Variants in LRRC4C observed in about 807,000 individuals in gnomAD.
LRRC4C encodes leucine-rich repeat-containing protein 4C.
A neutral mutation model predicts 33.6 loss-of-function variants in LRRC4C; 5 were observed. That is an observed-to-expected ratio of 0.15 (90% CI 0.08 to 0.31). The LOEUF is 0.31. Ranked by LOEUF, LRRC4C falls within the 10% of genes least tolerant of loss-of-function variation. The pLI is 1.00. For missense variants in LRRC4C, 560 were observed against 796.7 expected, an observed-to-expected ratio of 0.70 and a Z score of 3.58; for synonymous variants, 329 against 302.0, an observed-to-expected ratio of 1.09 and a Z score of -0.93.
At chr11:41,373,561 C>T in intron 1 of LRRC4C, among the ~76,000 whole-genome samples, 1 of 152,078 alleles carries the variant, frequency 6.6e-6, no homozygotes, top group Non-Finnish European at 1.5e-5. Flanking sequence ...GACAGGATTG[C>T]TTCTGCATGG....
chr11:40,978,908 A>G (rs1040724987), intron 1 of LRRC4C, among the ~76,000 whole-genome samples: 1 of 152,086 alleles, frequency 6.6e-6, no homozygotes, highest in Non-Finnish European at 1.5e-5. Context: ...CTAGGATTGC[A>G]GGGGTGAGCC....
intron 1 of LRRC4C, among the ~76,000 whole-genome samples, chr11:41,383,016 T>C (rs902015162): frequency 6.6e-6 from 1 of 152,094 alleles, no homozygotes; most frequent in African/African-American, 2.4e-5. Flanking sequence ...AGGTTCACCT[T>C]AGGGCAGGGT....
intron 5 of LRRC4C, among the ~76,000 whole-genome samples, chr11:40,165,580 T>TA (rs1322161068): frequency 6.6e-6 from 1 of 152,228 alleles, no homozygotes; most frequent in African/African-American, 2.4e-5. Flanking sequence ...AATTCTGTGA[T>TA]ATGTTAGTTC....
intron 1 of LRRC4C, among the ~76,000 whole-genome samples, chr11:40,957,024 A>C (rs566219915): frequency 6.6e-5 from 10 of 151,808 alleles, no homozygotes; most frequent in Non-Finnish European, 1.3e-4. Flanking sequence ...TTCTGAGCAC[A>C]TCCAGAATGA....
intron 1 of LRRC4C, among the ~76,000 whole-genome samples, chr11:41,268,442 G>A (rs556640709): frequency 6.6e-6 from 1 of 152,192 alleles, no homozygotes; most frequent in African/African-American, 2.4e-5. Context: ...TTGTTATGAA[G>A]TTATAGGTAC....
intron 1 of LRRC4C, among the ~76,000 whole-genome samples, chr11:41,022,749 T>A (rs4539315): frequency 0.7 from 105,805 of 151,762 alleles, 37,202 homozygotes; most frequent in South Asian, 0.77. Flanking sequence ...AACTGAAGAG[T>A]TTTTTTACTT....
chr11:40,290,692 T>C (rs1312414303), intron 4 of LRRC4C, among the ~76,000 whole-genome samples: 1 of 152,126 alleles, frequency 6.6e-6, no homozygotes, highest in Non-Finnish European at 1.5e-5. Flanking sequence ...CTTTGGGATA[T>C]GTCAGAGTTG....
chr11:40,473,434 T>A (rs1477420683), intron 3 of LRRC4C, among the ~76,000 whole-genome samples: 1 of 152,162 alleles, frequency 6.6e-6, no homozygotes, highest in Non-Finnish European at 1.5e-5. Context: ...ATAAACTTGG[T>A]ATTGAGGGGA....
intron 6 of LRRC4C, among the ~76,000 whole-genome samples, chr11:40,118,782 G>A (rs1399590746): frequency 2.6e-5 from 4 of 152,114 alleles, no homozygotes; most frequent in Non-Finnish European, 2.9e-5. Flanking sequence ...GGTTGGTTAC[G>A]TCAAACTTAA....
At chr11:40,563,469 A>T (rs923510194) in intron 3 of LRRC4C, among the ~76,000 whole-genome samples, 3 of 152,194 alleles carry the variant, frequency 2.0e-5, no homozygotes, top group Non-Finnish European at 4.4e-5. Context: ...ATTAAATCGT[A>T]TTGACACTAG....
intron 5 of LRRC4C, among the ~76,000 whole-genome samples, chr11:40,240,467 T>C (rs2136088428): frequency 6.6e-6 from 1 of 152,246 alleles, no homozygotes; most frequent in East Asian, 1.9e-4. Flanking sequence ...GCCCAGAACT[T>C]AAAAGCCCAG....
At chr11:40,118,013 T>G (rs7946670) in intron 6 of LRRC4C, among the ~76,000 whole-genome samples, 4,630 of 149,124 alleles carry the variant, frequency 0.031, 97 homozygotes, top group Non-Finnish European at 0.034. Context: ...TTTTTAATAT[T>G]AAATATTAAT....
intron 1 of LRRC4C, among the ~76,000 whole-genome samples, chr11:41,014,220 C>T (rs1803502484): frequency 6.6e-6 from 1 of 152,132 alleles, no homozygotes; most frequent in Non-Finnish European, 1.5e-5. Context: ...TTTCTAATGC[C>T]ATCACCTTGG....
chr11:41,129,793 C>T (rs1471957207), intron 1 of LRRC4C, among the ~76,000 whole-genome samples: 9 of 151,830 alleles, frequency 5.9e-5, no homozygotes, highest in Non-Finnish European at 8.8e-5. Flanking sequence ...CTAAGGTCAC[C>T]GTTAACATCT....
chr11:41,249,924 G>T (rs552511996), intron 1 of LRRC4C, among the ~76,000 whole-genome samples: 1 of 151,962 alleles, frequency 6.6e-6, no homozygotes, highest in Non-Finnish European at 1.5e-5. Context: ...TGAGTGCATA[G>T]AATAGTGCCT....
At chr11:40,469,327 G>T (rs561399159) in intron 3 of LRRC4C, among the ~76,000 whole-genome samples, 1 of 152,284 alleles carries the variant, frequency 6.6e-6, no homozygotes, top group East Asian at 1.9e-4. Context: ...GGACCATGCC[G>T]TGAGGAATGG....
intron 1 of LRRC4C, among the ~76,000 whole-genome samples, chr11:41,367,605 T>C (rs142077106): frequency 1.3e-5 from 2 of 152,324 alleles, no homozygotes; most frequent in Non-Finnish European, 2.9e-5. Flanking sequence ...ATAGCTACTG[T>C]GGTCAAATGT....
chr11:40,624,759 G>GA (rs1373278067), intron 3 of LRRC4C, among the ~76,000 whole-genome samples: 1 of 152,064 alleles, frequency 6.6e-6, no homozygotes, highest in Admixed American at 6.5e-5. Flanking sequence ...TAGCATAATA[G>GA]AAAAAACACT....
At chr11:40,551,961 T>C (rs1045736263) in intron 3 of LRRC4C, among the ~76,000 whole-genome samples, 1 of 152,234 alleles carries the variant, frequency 6.6e-6, no homozygotes, top group Non-Finnish European at 1.5e-5. Context: ...TTCTCCACAA[T>C]ATGAGTGATC....
Sources: allele counts gnomAD v4.1 joint callset (sites outside exome capture counted in the v4.1 genomes callset), GRCh38; gene constraint gnomAD v4.1.1; transcripts MANE v1.5; gene names NCBI Gene and HGNC (gene_info 2026-07-23, HGNC 2026-07-21).